FBLN5: variants seen among roughly 807,000 people sequenced by gnomAD.
FBLN5 encodes the protein fibulin-5.
In FBLN5, 24 loss-of-function variants were observed where a neutral mutation model predicts 61.6. That is an observed-to-expected ratio of 0.39 (90% CI 0.28 to 0.55). The LOEUF is 0.55. FBLN5 is among the 20% of genes least tolerant of loss of function. The pLI, the probability that FBLN5 is intolerant of heterozygous loss-of-function variation, is 0.65. For synonymous variants in FBLN5, 213 were observed against 219.8 expected (o/e 0.97, Z 0.27); for missense variants, 470 against 594.1 (o/e 0.79, Z 2.17).
intron 10 of FBLN5, among the ~76,000 whole-genome samples, chr14:91,875,663 A>G (rs1051216204): frequency 6.6e-6 from 1 of 152,010 alleles, no homozygotes; most frequent in African/African-American, 2.4e-5. Context: ...TACCCTTTCT[A>G]CCACCTGCTC....
At chr14:91,880,814 G>A (rs563856514) in intron 9 of FBLN5, among the ~76,000 whole-genome samples, 2 of 152,208 alleles carry the variant, frequency 1.3e-5, no homozygotes, top group South Asian at 4.2e-4. Flanking sequence ...GCCTCCCAAA[G>A]TGCTGCGATT....
At chr14:91,941,675 T>C (rs2056107101) in intron 2 of FBLN5, among the ~76,000 whole-genome samples, 1 of 152,156 alleles carries the variant, frequency 6.6e-6, no homozygotes, top group Non-Finnish European at 1.5e-5. Context: ...TGTCAAGGAC[T>C]GGCATAGGTT....
chr14:91,888,078 C>T (rs908902636), intron 6 of FBLN5, among the ~76,000 whole-genome samples: 7 of 149,928 alleles, frequency 4.7e-5, no homozygotes, highest in East Asian at 2.0e-4. Context: ...GCAGGTGGAT[C>T]GCTTGAGCCC....
In FBLN5 at chr14:91,881,138, C is replaced by T. The variant is rs112401760; in HGVS notation, c.989+154G>A. Among the ~76,000 whole-genome samples, 60 of 75,246 alleles carry T rather than the reference C, an allele frequency of 8.0e-4. 1 individual carries two copies. Among genetic ancestry groups the T allele is most frequent in the Non-Finnish European group, 6.7e-4 (21 of 31,422 alleles). 49.4% of individuals were successfully genotyped at this position (75,246 alleles called of 152,430 possible). On this transcript the variant is annotated intron_variant, in intron 9 of 10. Coordinates refer to ENST00000342058, the MANE Select transcript of FBLN5 (RefSeq NM_006329.4). ...TCTATTCTACACACACACACACACA[C>T]ACACACACACACACACGCATGAGCA...
intron 4 of FBLN5, among the ~76,000 whole-genome samples, chr14:91,934,018 G>C (rs1309283567): frequency 6.6e-6 from 1 of 152,048 alleles, no homozygotes; most frequent in Non-Finnish European, 1.5e-5. Flanking sequence ...AGGCTGAAAT[G>C]AGAGGATCAC....
chr14:91,889,183 G>T lies in FBLN5; in HGVS notation c.620-1871C>A, dbSNP rs117451124. On this transcript the variant is annotated intron_variant, in intron 6 of 10. Transcript: ENST00000342058. ...GGGGTTTCCCCACCGGGGACAGGAG[G>T]GGGTAGGAAAATGTCCACTGTGCTA... is the stretch of plus-strand genomic sequence containing the variant. 3.9e-5 allele frequency among the ~76,000 whole-genome samples: 6 copies of T among 152,224 alleles called. No homozygotes were observed. In the South Asian group the frequency reaches 1.0e-3, roughly 26 times the overall value.
chr14:91,900,779 C>A (rs941738858), intron 4 of FBLN5, among the ~76,000 whole-genome samples: 3 of 152,028 alleles, frequency 2.0e-5, no homozygotes, highest in Non-Finnish European at 4.4e-5. Context: ...CAGGTGCCAG[C>A]CTGACTGCCT....
At chr14:91,919,321 ACT>A (rs2055683837) in intron 4 of FBLN5, among the ~76,000 whole-genome samples, 1 of 141,730 alleles carries the variant, frequency 7.1e-6, no homozygotes, top group African/African-American at 2.6e-5. Context: ...ACAGAGCAAG[ACT>A]CTGTCTCAAA....
In FBLN5 at chr14:91,947,121, C is replaced by G; in HGVS notation, c.17+92G>C. ...GCCTTTTCCAATATCCTGACACCGC[C>G]TGAATCGCAGCCATAACCATTTTCC... On this transcript the variant is annotated intron_variant, in intron 1 of 10. Coordinates refer to ENST00000342058, the MANE Select transcript of FBLN5 (RefSeq NM_006329.4). This position sits in a 1 kb window ranked among gnomAD's most constrained non-coding sequence, Gnocchi z 4.3. The G allele has an allele frequency of 6.3e-7, 1 of 1,589,606 alleles. No homozygotes were observed. The highest frequency in any genetic ancestry group is 1.7e-4 in the Middle Eastern group (1 of 6,002).
chr14:91,946,385 A>G (rs565036087), intron 1 of FBLN5, among the ~76,000 whole-genome samples: 1 of 152,160 alleles, frequency 6.6e-6, no homozygotes, highest in African/African-American at 2.4e-5. Context: ...TTTCTAAAGC[A>G]GGTGGGTTCG....
At chr14:91,871,692 A>G (rs1888935276) in intron 10 of FBLN5, among the ~76,000 whole-genome samples, 2 of 152,220 alleles carry the variant, frequency 1.3e-5, no homozygotes, top group African/African-American at 4.8e-5. Flanking sequence ...CCCCATCTCT[A>G]CTAAAACTAG....
intron 4 of FBLN5, among the ~76,000 whole-genome samples, chr14:91,904,453 A>C (rs1223260566): frequency 6.6e-6 from 1 of 152,210 alleles, no homozygotes; most frequent in Non-Finnish European, 1.5e-5. Context: ...CCACCCTAGC[A>C]ATGGCCCAGG....
At chr14:91,919,386 A>AAGGAAGGAAGG (rs1566819967) in intron 4 of FBLN5, among the ~76,000 whole-genome samples, 17 of 94,850 alleles carry the variant, frequency 1.8e-4, no homozygotes, top group Non-Finnish European at 3.0e-4. Context: ...GAAAAGAAAG[A>AAGGAAGGAAGG]AAGAAAGGAA....
At chr14:91,887,749 T>C (rs1889792706) in intron 6 of FBLN5, among the ~76,000 whole-genome samples, 2 of 152,134 alleles carry the variant, frequency 1.3e-5, no homozygotes, top group South Asian at 4.1e-4. Context: ...TCTAATAATA[T>C]ATTTATTATG....
chr14:91,896,874 G>T (rs1890248421), intron 4 of FBLN5, among the ~76,000 whole-genome samples: 1 of 152,116 alleles, frequency 6.6e-6, no homozygotes, highest in Non-Finnish European at 1.5e-5. Context: ...TGGGGATGGG[G>T]GTGTCTAAGA....
At chr14:91,913,813 A>AT (rs1236236341) in intron 4 of FBLN5, among the ~76,000 whole-genome samples, 3 of 152,244 alleles carry the variant, frequency 2.0e-5, no homozygotes, top group African/African-American at 4.8e-5. Context: ...TTATAAATCA[A>AT]TAACAAAAAG....
At chr14:91,944,640 C>T (rs1464407640) in intron 1 of FBLN5, among the ~76,000 whole-genome samples, 2 of 152,190 alleles carry the variant, frequency 1.3e-5, no homozygotes, top group African/African-American at 2.4e-5. Context: ...AATTCTGACA[C>T]ATGCTACAAT....
chr14:91,907,342 C>T lies in FBLN5; in HGVS notation c.380-12270G>A, dbSNP rs577627687. Among the ~76,000 whole-genome samples the T allele has an allele frequency of 5.3e-5, 8 of 152,236 alleles. No individual in the cohort carries two copies. In the East Asian group the frequency reaches 1.2e-3, roughly 22 times the overall value. The stretch of plus-strand genomic sequence containing the variant: ...TACACATTGAGCCTCCCTACCAGCC[C>T]GAAACCACCTGCCTCTGGACTGCAG... On this transcript the variant is annotated intron_variant, in intron 4 of 10. Coordinates refer to ENST00000342058, the MANE Select transcript of FBLN5 (RefSeq NM_006329.4).
intron 10 of FBLN5, 83 bp from the exon 11 acceptor site, chr14:91,870,468 G>A (rs1888868938): frequency 7.0e-6 from 10 of 1,418,972 alleles, no homozygotes; most frequent in South Asian, 5.7e-5. Context: ...CCTTGCCTCC[G>A]TCAGTCAAAC....
Sources: gnomAD v4.1 joint callset for allele counts (sites outside exome capture counted in the v4.1 genomes callset) on GRCh38, gnomAD v4.1.1 for gene constraint, Gnocchi (gnomAD v3.1) non-coding constraint, MANE v1.5 for transcripts, NCBI Gene and HGNC (gene_info 2026-07-23, HGNC 2026-07-21) for gene names.